Variants in IDH3A observed in about 807,000 individuals in gnomAD.
The protein encoded by IDH3A is isocitrate dehydrogenase (NAD(+)) 3 catalytic subunit alpha.
A neutral mutation model predicts 43.3 loss-of-function variants in IDH3A; 23 were observed. The observed-to-expected ratio is 0.53, with a 90% CI of 0.38 to 0.75. IDH3A has a LOEUF of 0.75. Ranked by LOEUF, IDH3A falls within the 30% of genes least tolerant of loss-of-function variation. The pLI, the probability that IDH3A is intolerant of heterozygous loss-of-function variation, is 0.00. For synonymous variants in IDH3A, 154 were observed against 163.5 expected (o/e 0.94, Z 0.44); for missense variants, 329 against 474.4 (o/e 0.69, Z 2.85).
chr15:78,156,879 AT>A, intron 2 of IDH3A: 1 of 1,347,944 alleles, frequency 7.4e-7, no homozygotes, highest in Non-Finnish European at 9.8e-7. Flanking sequence ...TGCAGGTATG[AT>A]GACATATACT....
chr15:78,160,430 A>G (rs1346592030), intron 4 of IDH3A, among the ~76,000 whole-genome samples: 2 of 152,144 alleles, frequency 1.3e-5, no homozygotes, highest in Non-Finnish European at 2.9e-5. Flanking sequence ...AAATAACAGT[A>G]TCTCTATTTA....
chr15:78,166,389 T>C lies in IDH3A; in HGVS notation c.1017+87T>C, dbSNP rs990186577. The C allele has an allele frequency of 8.0e-6, 11 of 1,369,320 alleles. No homozygotes were observed. In the African/African-American group the frequency reaches 1.3e-4, roughly 16 times the overall value. 84.8% of individuals were successfully genotyped at this position (1,369,320 alleles called of 1,614,324 possible). A position where few individuals can be genotyped will look rare whatever the true frequency, so the allele number is the denominator to read the frequency against. ...GAGTGAAAGGGACAGTGACAGATAA[T>C]AGTTCTCAGGCGGGCCCAAGCATTT... On this transcript the variant is annotated intron_variant, in intron 10 of 10. Coordinates refer to ENST00000299518, the MANE Select transcript of IDH3A (RefSeq NM_005530.3).
chr15:78,171,572 A>G lies in IDH3A; in HGVS notation c.*2567A>G. 1 of 1,507,034 alleles carries G rather than the reference A, an allele frequency of 6.6e-7. No homozygotes were observed. The allele number at this position is 1,507,034 out of a possible 1,614,324, so 93.4% of individuals were successfully genotyped here. A position where few individuals can be genotyped will look rare whatever the true frequency, so the allele number is the denominator to read the frequency against. Reference sequence around the variant, plus strand: ...AGAAATGAGTGAGGCCCAGGCTCTGAGAACTCTGAGAATGTGTGTGGTAAA... The same window carrying G: ...AGAAATGAGTGAGGCCCAGGCTCTGGGAACTCTGAGAATGTGTGTGGTAAA... On this transcript the variant is annotated 3_prime_UTR_variant, in exon 11 of 11. Transcript: ENST00000299518.
intron 2 of IDH3A, chr15:78,156,827 T>C (rs550426181): frequency 2.7e-6 from 3 of 1,122,380 alleles, no homozygotes; most frequent in Non-Finnish European, 3.6e-6. Context: ...TGCTGTTACA[T>C]TATAAAAACA....
At chr15:78,159,974 G>A (rs1054057969) in intron 3 of IDH3A, 118 bp from the exon 4 acceptor site, 13 of 663,368 alleles carry the variant, frequency 2.0e-5, no homozygotes, top group African/African-American at 8.9e-5. Context: ...TAGCCTAGGC[G>A]ACAGAGCGGG....
Position 78,149,441 on chromosome 15 carries a change from GC to G in IDH3A, c.27+12del, listed in dbSNP as rs1567066794. ...GCGTGGATCTCTAAGGTGAGCGCTGGCAGGCCGGCGTGTGGCAGGCAGGCAG... is the reference window on the plus strand; with the variant it reads ...GCGTGGATCTCTAAGGTGAGCGCTGGAGGCCGGCGTGTGGCAGGCAGGCAG... On this transcript the variant is annotated intron_variant, in intron 1 of 10. Coordinates refer to ENST00000299518, the MANE Select transcript of IDH3A (RefSeq NM_005530.3). 10 of 1,538,644 alleles carry G rather than the reference GC, an allele frequency of 6.5e-6. No individual in the cohort carries two copies. Among genetic ancestry groups the G allele is most frequent in the Non-Finnish European group, 8.7e-6 (10 of 1,149,674 alleles).
In IDH3A at chr15:78,171,441, T is replaced by C. The variant is rs772108798; in HGVS notation, c.*2436T>C. 2 of 1,613,476 alleles carry C rather than the reference T, an allele frequency of 1.2e-6. No homozygotes were observed. On this transcript the variant is annotated 3_prime_UTR_variant, in exon 11 of 11. Transcript: ENST00000299518. ...CTATAGAAACTGCAGGCATAGGCCC[T>C]GATTACATTTTTTGCTCTTGGTAAA...
In IDH3A at chr15:78,168,961, G is replaced by C; in HGVS notation, c.1057G>C (p.Asp353His). 6.2e-7 allele frequency: 1 copy of C among 1,604,744 alleles called. No individual in the cohort carries two copies. The highest frequency in any genetic ancestry group is 2.2e-5 in the East Asian group (1 of 44,702). ...TTTGGGAGGCAATGCAAAATGCTCA[G>C]ACTTCACAGAGGAAATCTGTCGCCG... Reference protein sequence around the residue: ...KDLGGNAKCSDFTEEICRRVK... With the variant: ...KDLGGNAKCSHFTEEICRRVK... The change falls in exon 11 of 11, where the codon GAC becomes CAC. Residue 353 changes from aspartate (D) to histidine (H), a missense_variant. Physicochemically the swap from Asp to His is moderately conservative, Grantham distance 81. Transcript: ENST00000299518.
intron 6 of IDH3A, 71 bp downstream of exon 6, chr15:78,162,438 C>G (rs1370699690): frequency 6.5e-7 from 1 of 1,547,486 alleles, no homozygotes; most frequent in Admixed American, 1.7e-5. Context: ...GCTTCCCTTT[C>G]TCCTCTTCAG....
chr15:78,155,111 G>T, intron 1 of IDH3A, 102 bp from the exon 2 acceptor site: 2 of 760,484 alleles, frequency 2.6e-6, no homozygotes. Context: ...GAATATATCT[G>T]TGCCAAGTTG....
chr15:78,158,448 CAT>C (rs1555429599), intron 3 of IDH3A, among the ~76,000 whole-genome samples: 64 of 28,238 alleles, frequency 2.3e-3, no homozygotes, highest in South Asian at 5.7e-3. Flanking sequence ...TACATACATA[CAT>C]ATATATATAT....
chr15:78,154,446 T>A (rs2141941389), intron 1 of IDH3A: 1 of 152,352 alleles, frequency 6.6e-6, no homozygotes, highest in Middle Eastern at 3.4e-3. Flanking sequence ...ATAGATATAA[T>A]GTATAATTGA....
In IDH3A at chr15:78,161,777, A is replaced by C; in HGVS notation, c.477+9A>C. On this transcript the variant is annotated intron_variant, in intron 5 of 10. Coordinates refer to ENST00000299518, the MANE Select transcript of IDH3A (RefSeq NM_005530.3). The surrounding 1 kb of genome is among the most constrained non-coding windows in gnomAD (Gnocchi z 4.8). The stretch of plus-strand genomic sequence containing the variant: ...GTGGAATTGAGCATGTGGTATGTTC[A>C]CTCCAGATTCTTTTTTATTCCTGCT... 1 of 1,609,888 alleles carries C rather than the reference A, an allele frequency of 6.2e-7. No individual in the cohort carries two copies. The highest frequency in any genetic ancestry group is 1.7e-5 in the Admixed American group (1 of 59,878).
chr15:78,153,422 C>A (rs192575890), intron 1 of IDH3A, among the ~76,000 whole-genome samples: 2 of 152,140 alleles, frequency 1.3e-5, no homozygotes, highest in African/African-American at 4.8e-5. Flanking sequence ...CACAAAGTAG[C>A]CTTTAAATGG....
chr15:78,164,525 T>C (rs2074718328), intron 8 of IDH3A, among the ~76,000 whole-genome samples: 1 of 152,136 alleles, frequency 6.6e-6, no homozygotes, highest in Non-Finnish European at 1.5e-5. Flanking sequence ...CTAATTTTTG[T>C]ATTTTTAGTA....
At chr15:78,152,626 C>T (rs897618234) in intron 1 of IDH3A, among the ~76,000 whole-genome samples, 1 of 152,202 alleles carries the variant, frequency 6.6e-6, no homozygotes, top group Non-Finnish European at 1.5e-5. Context: ...TCCCAAAGTG[C>T]TGGGATTACA....
intron 3 of IDH3A, among the ~76,000 whole-genome samples, chr15:78,158,183 T>G (rs763423728): frequency 2.0e-5 from 3 of 152,068 alleles, no homozygotes; most frequent in Non-Finnish European, 1.5e-5. Context: ...ATAATCTCTT[T>G]AAAATAAAAT....
chr15:78,157,222 A>G (rs2074630079), intron 2 of IDH3A: 1 of 1,030,268 alleles, frequency 9.7e-7, no homozygotes, highest in African/African-American at 1.7e-5. Context: ...ATTTGAATTA[A>G]TTGGTCTCTT....
intron 3 of IDH3A, 47 bp downstream of exon 3, chr15:78,157,678 T>C: frequency 1.5e-6 from 2 of 1,336,484 alleles, no homozygotes; most frequent in Non-Finnish European, 2.1e-6. Context: ...ACTGAAAAGT[T>C]TTCTTAGCCA....
Sources: gnomAD v4.1 joint callset for allele counts (sites outside exome capture counted in the v4.1 genomes callset) on GRCh38, gnomAD v4.1.1 for gene constraint, Gnocchi (gnomAD v3.1) non-coding constraint, MANE v1.5 for transcripts, NCBI Gene and HGNC (gene_info 2026-07-23, HGNC 2026-07-21) for gene names.